ABCA9: variants seen among roughly 807,000 people sequenced by gnomAD.
ABCA9 encodes ATP binding cassette subfamily A member 9.
ABCA9 carries 183 observed loss-of-function variants against 205.3 expected under a neutral mutation model. The ratio of observed to expected loss-of-function variants is 0.89; its 90% CI spans 0.79 to 1.01. ABCA9 has a LOEUF of 1.01. ABCA9 is among the 50% of genes least tolerant of loss of function. The pLI is 0.00. For missense variants in ABCA9, 1,805 were observed against 1,912.4 expected (o/e 0.94, Z 1.05); for synonymous variants, 651 against 683.3 (o/e 0.95, Z 0.74).
intron 34 of ABCA9, 49 bp from the exon 35 acceptor site, chr17:68,984,224 A>T (rs1282178138): frequency 6.9e-6 from 11 of 1,586,814 alleles, no homozygotes; most frequent in Non-Finnish European, 9.4e-6. Flanking sequence ...TGCTCAAGGT[A>T]TTTGGAATTT....
chr17:69,018,136 C>T, intron 20 of ABCA9: 1 of 369,992 alleles, frequency 2.7e-6, no homozygotes, highest in South Asian at 7.4e-5. Context: ...CAAAATGATA[C>T]ACAAAGACCT....
intron 26 of ABCA9, among the ~76,000 whole-genome samples, chr17:68,994,596 T>C (rs567962011): frequency 6.6e-6 from 1 of 152,276 alleles, no homozygotes; most frequent in South Asian, 2.1e-4. Context: ...CAAGCCCCCT[T>C]GGCCAAGTTA....
chr17:68,990,620 A>G (rs1171457669), intron 29 of ABCA9, among the ~76,000 whole-genome samples: 2 of 152,106 alleles, frequency 1.3e-5, no homozygotes, highest in East Asian at 3.8e-4. Flanking sequence ...ACCTGACCCT[A>G]AGTGATCTTC....
intron 6 of ABCA9, among the ~76,000 whole-genome samples, chr17:69,040,696 A>T (rs1388516857): frequency 6.6e-6 from 1 of 152,204 alleles, no homozygotes; most frequent in Non-Finnish European, 1.5e-5. Context: ...CATTCTGCAC[A>T]TGTATCCCAG....
chr17:69,049,142 G>T, intron 3 of ABCA9, 141 bp downstream of exon 3: 1 of 938,888 alleles, frequency 1.1e-6, no homozygotes, highest in East Asian at 2.7e-5. Context: ...AAAAAATTTT[G>T]AGACTTGGAA....
chr17:69,018,793 C>A (rs1422542108), intron 19 of ABCA9, among the ~76,000 whole-genome samples: 2 of 152,038 alleles, frequency 1.3e-5, no homozygotes, highest in Non-Finnish European at 2.9e-5. Flanking sequence ...CCAAGCAGGA[C>A]ACCTTGGCTT....
At chr17:69,035,831 A>G (rs2071319307) in intron 6 of ABCA9, 30 bp from the exon 7 acceptor site, 1 of 1,595,766 alleles carries the variant, frequency 6.3e-7, no homozygotes, top group Non-Finnish European at 8.5e-7. Flanking sequence ...GTCAGTTAGA[A>G]TGTTGTTACT....
At chr17:68,981,804 G>T (rs1326058866) in intron 37 of ABCA9, among the ~76,000 whole-genome samples, 1 of 125,890 alleles carries the variant, frequency 7.9e-6, no homozygotes, top group East Asian at 2.3e-4. Context: ...ACTCCAGCCT[G>T]CCAGCCTGGC....
chr17:69,078,611 G>A, the ABCA9 span: 1 of 162,416 alleles, frequency 6.2e-6, no homozygotes, highest in East Asian at 1.8e-4. Flanking sequence ...GTGTGAAGTA[G>A]TCATGCAACT....
chr17:69,046,001 C>G (rs1283904099), intron 3 of ABCA9, among the ~76,000 whole-genome samples: 1 of 152,024 alleles, frequency 6.6e-6, no homozygotes, highest in Non-Finnish European at 1.5e-5. Context: ...ATTGGAAATT[C>G]CAACGGTATT....
intron 10 of ABCA9, 120 bp from the exon 11 acceptor site, chr17:69,029,347 C>T (rs1208564284): frequency 8.5e-6 from 5 of 589,460 alleles, no homozygotes; most frequent in Non-Finnish European, 8.6e-6. Context: ...TCTTGTAAAG[C>T]CTCAAAGAAA....
the ABCA9 span, among the ~76,000 whole-genome samples, chr17:69,066,932 A>G: frequency 5.3e-5 from 8 of 152,312 alleles, no homozygotes; most frequent in South Asian, 1.7e-3. Flanking sequence ...TCAAAACAAC[A>G]TATTTTTAGA....
chr17:69,074,120 T>C, the ABCA9 span, among the ~76,000 whole-genome samples: 2 of 152,206 alleles, frequency 1.3e-5, no homozygotes, highest in African/African-American at 4.8e-5. Flanking sequence ...GGACAATCAC[T>C]GGTGAGAACT....
At chr17:69,038,238 AC>A (rs1389491737) in intron 6 of ABCA9, among the ~76,000 whole-genome samples, 1 of 152,206 alleles carries the variant, frequency 6.6e-6, no homozygotes, top group Non-Finnish European at 1.5e-5. Flanking sequence ...TCATCCTGAT[AC>A]CAAAACCTGG....
rs1170902025 is a variant in ABCA9 at position 69,060,913 on chromosome 17, G to C, written c.-61C>G. ...ATCTAGAAACACAGTTCATCCATGG[G>C]TCTCTGCATGTTCTGGAGGAGAATT... On this transcript the variant is annotated 5_prime_UTR_variant, in exon 1 of 39. Coordinates refer to ENST00000340001, the MANE Select transcript of ABCA9 (RefSeq NM_080283.4). 1.0e-6 allele frequency: 1 copy of C among 985,286 alleles called. No homozygotes were observed. The highest frequency in any genetic ancestry group is 6.1e-5 in the Admixed American group (1 of 16,262). 61.0% of individuals were successfully genotyped at this position (985,286 alleles called of 1,614,324 possible).
chr17:69,077,968 T>C, the ABCA9 span, among the ~76,000 whole-genome samples: 1 of 152,024 alleles, frequency 6.6e-6, no homozygotes, highest in Non-Finnish European at 1.5e-5. Flanking sequence ...GGAGAAATGA[T>C]TTTAAAAAAT....
rs1343557414 is a variant in ABCA9 at position 68,975,473 on chromosome 17, C to A, written c.*442G>T. 6.5e-6 allele frequency: 1 copy of A among 152,714 alleles called. No individual in the cohort carries two copies. The highest frequency in any genetic ancestry group is 2.4e-5 in the African/African-American group (1 of 41,382). The allele number at this position is 152,714 out of a possible 1,614,324, so 9.5% of individuals were successfully genotyped here. On this transcript the variant is annotated 3_prime_UTR_variant, in exon 39 of 39. Transcript: ENST00000340001. ...TATTTAAAAAGGGAATTATAAAAAG[C>A]AAATACTGTGCTGCTGGGTAATCAA...
chr17:68,978,529 T>C (rs1216073659), intron 37 of ABCA9, among the ~76,000 whole-genome samples: 2 of 152,178 alleles, frequency 1.3e-5, no homozygotes, highest in Non-Finnish European at 2.9e-5. Context: ...AGCTGGTTAT[T>C]TTCTCGTTAG....
chr17:69,058,630 G>A (rs1252610244), intron 1 of ABCA9, among the ~76,000 whole-genome samples: 2 of 152,086 alleles, frequency 1.3e-5, no homozygotes, highest in Non-Finnish European at 2.9e-5. Context: ...ACAAGGTCAG[G>A]AGTTCGAGAC....
Sources: gnomAD v4.1 joint callset for allele counts (sites outside exome capture counted in the v4.1 genomes callset) on GRCh38, gnomAD v4.1.1 for gene constraint, MANE v1.5 for transcripts, NCBI Gene and HGNC (gene_info 2026-07-23, HGNC 2026-07-21) for gene names.